Variants in TANC1 observed in about 807,000 individuals in gnomAD.
TANC1 encodes the protein tetratricopeptide repeat, ankyrin repeat and coiled-coil containing 1.
Under a neutral mutation model 149.7 loss-of-function variants are expected in TANC1, and 77 were observed. That is an observed-to-expected ratio of 0.51 (90% CI 0.43 to 0.62). The LOEUF (loss-of-function observed/expected upper bound fraction) is 0.62. Ranked by LOEUF, TANC1 falls within the 20% of genes least tolerant of loss-of-function variation. The probability of loss-of-function intolerance (pLI) is 0.00; values close to 1 mark genes in which losing one functional copy is unlikely to be tolerated. For missense variants in TANC1, 1,985 were observed against 2,321.8 expected (o/e 0.85, Z 2.98); for synonymous variants, 854 against 925.0 (o/e 0.92, Z 1.39).
At chr2:159,125,100 G>A (rs754469407) in intron 4 of TANC1, among the ~76,000 whole-genome samples, 2 of 152,134 alleles carry the variant, frequency 1.3e-5, no homozygotes, top group East Asian at 1.9e-4. Context: ...GGAAGTAAGA[G>A]CTAGAGATTT....
chr2:159,149,348 CT>C (rs756592098), intron 6 of TANC1, 76 bp downstream of exon 6: 1 of 1,592,160 alleles, frequency 6.3e-7, no homozygotes, highest in Non-Finnish European at 8.6e-7. Context: ...TCTCCCTTTC[CT>C]TGAGCAGGGA....
At position 159,149,162 on chromosome 2, in the gene TANC1, C is replaced by A; in HGVS notation, c.385C>A (p.Pro129Thr). The change falls in exon 6 of 27, where the codon CCG becomes ACG. Residue 129 changes from proline (P) to threonine (T), a missense_variant. This residue lies in a region of TANC1 where 557 missense variants were observed against 612.9 expected (regional missense o/e 0.91). Transcript: ENST00000263635. ...DEHEAKADNE[P>T]SCSPAAQELL... The stretch of plus-strand genomic sequence containing the variant: ...TCCAGAAGCAAAGGCCGATAATGAA[C>A]CGAGCTGTTCGCCGGCAGCTCAAGA... 1 of 1,605,754 alleles carries A rather than the reference C, an allele frequency of 6.2e-7. No individual in the cohort carries two copies. Among genetic ancestry groups the A allele is most frequent in the Non-Finnish European group, 8.5e-7 (1 of 1,175,218 alleles).
chr2:159,009,573 G>A (rs781442146), intron 2 of TANC1, among the ~76,000 whole-genome samples: 1 of 152,160 alleles, frequency 6.6e-6, no homozygotes. Flanking sequence ...GAGTAGAATA[G>A]TGGTTACTAG....
intron 18 of TANC1, 77 bp downstream of exon 18, chr2:159,196,870 G>A (rs1001310191): frequency 2.2e-5 from 30 of 1,369,580 alleles, no homozygotes; most frequent in East Asian, 7.3e-5. Context: ...CTGAAGGACC[G>A]AAAGAAGGAG....
In TANC1 at chr2:159,169,351, G is replaced by T. The variant is rs374820414; in HGVS notation, c.1048G>T (p.Gly350Cys). 59 of 1,613,848 alleles carry T rather than the reference G, an allele frequency of 3.7e-5. No homozygotes were observed. Among genetic ancestry groups the T allele is most frequent in the Non-Finnish European group, 4.8e-5 (57 of 1,179,906 alleles). ...IRLPWHNTAG[G>C]RAQEVKARFA... The stretch of plus-strand genomic sequence containing the variant: ...ATTACCATGGCACAATACGGCCGGA[G>T]GTAGGGCACAGGAAGTTAAAGGTAT... The change falls in exon 9 of 27, where the codon GGT (glycine) becomes TGT (cysteine). Residue 350 changes from glycine (G) to cysteine (C), a missense_variant. Transcript: ENST00000263635.
At chr2:159,131,440 G>A (rs1371509013) in intron 4 of TANC1, among the ~76,000 whole-genome samples, 3 of 151,990 alleles carry the variant, frequency 2.0e-5, no homozygotes, top group South Asian at 2.1e-4. Context: ...GATGTCACCC[G>A]CGCCCCTGCC....
chr2:159,016,883 C>G (rs1218690906), intron 2 of TANC1, among the ~76,000 whole-genome samples: 1 of 152,072 alleles, frequency 6.6e-6, no homozygotes, highest in Admixed American at 6.6e-5. Flanking sequence ...CTAGCTAGGC[C>G]AAATTTTCTA....
At chr2:159,182,322 A>G (rs1031440739) in intron 14 of TANC1, among the ~76,000 whole-genome samples, 1 of 152,178 alleles carries the variant, frequency 6.6e-6, no homozygotes, top group Non-Finnish European at 1.5e-5. Flanking sequence ...AATTGTAAAC[A>G]TGACATTTTA....
intron 4 of TANC1, among the ~76,000 whole-genome samples, chr2:159,116,454 CA>C (rs779142844): frequency 0.031 from 4,321 of 140,380 alleles, 170 homozygotes; most frequent in African/African-American, 0.095. Context: ...ACAACAACAA[CA>C]AAAAAAAAAA....
At chr2:159,209,826 C>T (rs1054226479) in intron 19 of TANC1, among the ~76,000 whole-genome samples, 8 of 152,176 alleles carry the variant, frequency 5.3e-5, no homozygotes, top group Admixed American at 3.9e-4. Flanking sequence ...GAGGGTCAAG[C>T]ATCACTGCCT....
intron 2 of TANC1, among the ~76,000 whole-genome samples, chr2:159,030,398 G>A (rs1029610107): frequency 6.6e-6 from 1 of 152,040 alleles, no homozygotes; most frequent in Admixed American, 6.5e-5. Context: ...TTTTTGTCTG[G>A]ATCTTTAAAG....
At chr2:158,972,890 T>C (rs949960415) in intron 1 of TANC1, among the ~76,000 whole-genome samples, 6 of 152,198 alleles carry the variant, frequency 3.9e-5, no homozygotes, top group African/African-American at 1.4e-4. Flanking sequence ...TCTTGGTTTT[T>C]AATAATATTA....
At chr2:159,059,311 C>T (rs569213347) in intron 2 of TANC1, among the ~76,000 whole-genome samples, 2 of 152,170 alleles carry the variant, frequency 1.3e-5, no homozygotes, top group South Asian at 4.2e-4. Context: ...AGAGACCAGC[C>T]TGGGCAACCT....
chr2:158,972,284 C>T (rs2033002227), intron 1 of TANC1, among the ~76,000 whole-genome samples: 1 of 152,152 alleles, frequency 6.6e-6, no homozygotes, highest in African/African-American at 2.4e-5. Flanking sequence ...TATCATTTGC[C>T]TTTGATCTTG....
chr2:159,026,321 A>T (rs1379211955), intron 2 of TANC1, among the ~76,000 whole-genome samples: 2 of 152,180 alleles, frequency 1.3e-5, no homozygotes, highest in African/African-American at 4.8e-5. Flanking sequence ...GGCGTGGACC[A>T]GCTCAGTGTC....
Position 159,231,100 on chromosome 2 carries a change from T to C in TANC1, c.*88T>C. Reference sequence around the variant, plus strand: ...ATAGTTTTTTTCATCAGAAAAATTATTTTTTAGCCATTTTTTTTCTTTGGG... The same window carrying C: ...ATAGTTTTTTTCATCAGAAAAATTACTTTTTAGCCATTTTTTTTCTTTGGG... On this transcript the variant is annotated 3_prime_UTR_variant, in exon 27 of 27. Transcript: ENST00000263635. The C allele has an allele frequency of 2.6e-6, 3 of 1,161,206 alleles. No homozygotes were observed. Among genetic ancestry groups the C allele is most frequent in the Non-Finnish European group, 3.6e-6 (3 of 834,966 alleles). The allele number at this position is 1,161,206 out of a possible 1,614,324, so 71.9% of individuals were successfully genotyped here.
chr2:159,092,278 C>G (rs982823951), intron 3 of TANC1, among the ~76,000 whole-genome samples: 1 of 152,284 alleles, frequency 6.6e-6, no homozygotes. Context: ...GCCTTCCCTT[C>G]CTGAAATATG....
At chr2:159,212,385 T>G (rs2059045969) in intron 19 of TANC1, among the ~76,000 whole-genome samples, 1 of 152,208 alleles carries the variant, frequency 6.6e-6, no homozygotes, top group Non-Finnish European at 1.5e-5. Context: ...TACCCAGATC[T>G]TCTAGCGTAA....
intron 3 of TANC1, among the ~76,000 whole-genome samples, chr2:159,082,371 T>TAA (rs5835731): frequency 1.3e-5 from 2 of 148,152 alleles, no homozygotes; most frequent in African/African-American, 2.5e-5. Flanking sequence ...TTAAACTTGT[T>TAA]AAAAAAAAAA....
Sources: gnomAD v4.1 joint callset for allele counts (sites outside exome capture counted in the v4.1 genomes callset) on GRCh38, gnomAD v4.1.1 for gene constraint, gnomAD v4.1.1 regional missense constraint, MANE v1.5 for transcripts, NCBI Gene and HGNC (gene_info 2026-07-23, HGNC 2026-07-21) for gene names.